RREB1: variants seen among roughly 807,000 people sequenced by gnomAD.
RREB1 encodes the protein ras responsive element binding protein 1.
RREB1 carries 27 observed loss-of-function variants against 117.8 expected under a neutral mutation model. The ratio of observed to expected loss-of-function variants is 0.23; its 90% CI spans 0.17 to 0.32. The LOEUF (loss-of-function observed/expected upper bound fraction) is 0.32. RREB1 is among the 10% of genes least tolerant of loss of function. The probability of loss-of-function intolerance (pLI) is 1.00; values close to 1 mark genes in which losing one functional copy is unlikely to be tolerated. For missense variants in RREB1, 2,577 were observed against 2,378.2 expected, an observed-to-expected ratio of 1.08 and a Z score of -1.74; for synonymous variants, 1,298 against 1,026.7, an observed-to-expected ratio of 1.26 and a Z score of -5.05.
intron 2 of RREB1, among the ~76,000 whole-genome samples, chr6:7,179,673 A>G (rs1015232633): frequency 6.6e-6 from 1 of 152,246 alleles, no homozygotes; most frequent in Non-Finnish European, 1.5e-5. Flanking sequence ...TTAGTAGTCC[A>G]TTAAGAAAAA....
intron 8 of RREB1, among the ~76,000 whole-genome samples, chr6:7,221,424 G>A (rs529377400): frequency 6.5e-4 from 99 of 151,986 alleles, no homozygotes; most frequent in African/African-American, 2.2e-3. Flanking sequence ...CACCCGCCTC[G>A]GCCTCCCAAA....
chr6:7,246,947 G>GC lies in RREB1; in HGVS notation c.4503dup (p.Glu1502ArgfsTer46), dbSNP rs1336588471. On this transcript the variant is annotated frameshift_variant, in exon 12 of 13. Transcript: ENST00000379938. LOFTEE classifies it high-confidence loss of function. The stretch of plus-strand genomic sequence containing the variant: ...AGCCCGCCCCTGAACAGGAGGAGAA[G>GC]CCCCCCGAGACCCCGGCAGAGGTGG... The GC allele has an allele frequency of 1.3e-6, 2 of 1,559,746 alleles. No individual in the cohort carries two copies. Among genetic ancestry groups the GC allele is most frequent in the Non-Finnish European group, 1.7e-6 (2 of 1,153,468 alleles).
Position 7,231,171 on chromosome 6 carries a change from C to A in RREB1, c.3072C>A (p.Val1024=). 1 of 1,611,786 alleles carries A rather than the reference C, an allele frequency of 6.2e-7. No homozygotes were observed. The highest frequency in any genetic ancestry group is 8.5e-7 in the Non-Finnish European group (1 of 1,179,334). The change falls in exon 10 of 13, where the codon GTC becomes GTA. Residue 1024 remains valine (V), a synonymous_variant. Transcript: ENST00000379938. ...TCCCAATCTACTCCTCAGCCCTGGT[C>A]AGCAGCCCTCCACTCGTGGGCAGCT... is the stretch of plus-strand genomic sequence containing the variant. ...LAVPIYSSAL[V]SSPPLVGSSA...
At chr6:7,243,410 C>G (rs556210679) in intron 11 of RREB1, among the ~76,000 whole-genome samples, 3 of 152,090 alleles carry the variant, frequency 2.0e-5, no homozygotes, top group Non-Finnish European at 2.9e-5. Context: ...CAACACAAAC[C>G]GAGGGACTGA....
chr6:7,177,541 A>G (rs1045689177), intron 2 of RREB1, among the ~76,000 whole-genome samples: 2 of 151,866 alleles, frequency 1.3e-5, no homozygotes, highest in Non-Finnish European at 2.9e-5. Flanking sequence ...GACCAGTGAT[A>G]TTTATTTTTA....
intron 1 of RREB1, among the ~76,000 whole-genome samples, chr6:7,161,594 A>G (rs529748139): frequency 2.0e-5 from 3 of 151,850 alleles, no homozygotes; most frequent in Non-Finnish European, 2.9e-5. Flanking sequence ...CTCCTTTCCT[A>G]TCTTTCTCAA....
intron 6 of RREB1, among the ~76,000 whole-genome samples, chr6:7,194,058 T>C (rs1385591532): frequency 6.6e-6 from 1 of 152,234 alleles, no homozygotes; most frequent in East Asian, 1.9e-4. Flanking sequence ...CAGTAGCATA[T>C]TCTATGTATA....
chr6:7,226,219 C>T (rs1009271704), intron 8 of RREB1, among the ~76,000 whole-genome samples: 3 of 152,152 alleles, frequency 2.0e-5, no homozygotes, highest in Admixed American at 1.3e-4. Flanking sequence ...GTGTTTAGGT[C>T]GTACGTACAC....
intron 6 of RREB1, among the ~76,000 whole-genome samples, chr6:7,198,997 G>A (rs1055097607): frequency 6.6e-6 from 1 of 152,156 alleles, no homozygotes; most frequent in Non-Finnish European, 1.5e-5. Flanking sequence ...GTTCCCCCCA[G>A]TAGCATTATT....
chr6:7,189,922 A>G (rs374287820), intron 6 of RREB1, among the ~76,000 whole-genome samples: 54 of 152,348 alleles, frequency 3.5e-4, no homozygotes, highest in African/African-American at 1.2e-3. Context: ...TATGGAAAAT[A>G]GAGTTTATAG....
chr6:7,115,958 T>G lies in RREB1; in HGVS notation c.-285+7898T>G, dbSNP rs190096777. 2.0e-5 allele frequency among the ~76,000 whole-genome samples: 3 copies of G among 152,256 alleles called. No individual in the cohort carries two copies. The East Asian group carries it at 5.8e-4, about 29-fold the overall frequency. Reference sequence around the variant, plus strand: ...GGCCCTCTGCAAAACCACACTCCAGTCTGGCCCTGGCATTGGCTGTTCTAT... The same window carrying G: ...GGCCCTCTGCAAAACCACACTCCAGGCTGGCCCTGGCATTGGCTGTTCTAT... On this transcript the variant is annotated intron_variant, in intron 1 of 12. Coordinates refer to ENST00000379938, the MANE Select transcript of RREB1 (RefSeq NM_001003699.4).
At chr6:7,225,756 G>A (rs1767546887) in intron 8 of RREB1, among the ~76,000 whole-genome samples, 1 of 152,080 alleles carries the variant, frequency 6.6e-6, no homozygotes, top group Non-Finnish European at 1.5e-5. Context: ...CTTCTTACTG[G>A]CTGTGGGGCC....
At chr6:7,247,247 G>A in intron 12 of RREB1, 26 bp downstream of exon 12, 1 of 1,593,106 alleles carries the variant, frequency 6.3e-7, no homozygotes, top group Non-Finnish European at 8.6e-7. Flanking sequence ...CAGGTCCCCG[G>A]CCCAACAAGA....
intron 6 of RREB1, among the ~76,000 whole-genome samples, chr6:7,204,247 G>A (rs1766147602): frequency 6.6e-6 from 1 of 152,106 alleles, no homozygotes; most frequent in East Asian, 1.9e-4. Context: ...AGGTGCCTCT[G>A]TACTTTACAG....
intron 1 of RREB1, among the ~76,000 whole-genome samples, chr6:7,138,998 CAT>C (rs1337063330): frequency 1.6e-4 from 25 of 152,220 alleles, no homozygotes; most frequent in African/African-American, 4.8e-4. Context: ...AAGGTTCACA[CAT>C]GTGAGAACAT....
chr6:7,126,310 C>T (rs1055969591), intron 1 of RREB1, among the ~76,000 whole-genome samples: 3 of 150,414 alleles, frequency 2.0e-5, no homozygotes, highest in Non-Finnish European at 4.4e-5. Context: ...TCGATTCCCC[C>T]CCGACCCATT....
intron 12 of RREB1, 71 bp downstream of exon 12, chr6:7,247,292 C>G (rs909671870): frequency 4.2e-6 from 6 of 1,417,022 alleles, no homozygotes; most frequent in Non-Finnish European, 5.7e-6. Flanking sequence ...AGGAGCTCCC[C>G]TGAAGCGGCG....
intron 1 of RREB1, among the ~76,000 whole-genome samples, chr6:7,158,578 T>C (rs1000671462): frequency 9.2e-5 from 14 of 152,134 alleles, no homozygotes; most frequent in African/African-American, 3.4e-4. Flanking sequence ...ACCCTTCCTC[T>C]TACACTACCC....
At chr6:7,194,143 A>G (rs1765552719) in intron 6 of RREB1, among the ~76,000 whole-genome samples, 1 of 152,182 alleles carries the variant, frequency 6.6e-6, no homozygotes, top group African/African-American at 2.4e-5. Context: ...GTTTACTTGG[A>G]TAGTCTTAGA....
Sources: allele counts gnomAD v4.1 joint callset (sites outside exome capture counted in the v4.1 genomes callset), GRCh38; gene constraint gnomAD v4.1.1; transcripts MANE v1.5; gene names NCBI Gene and HGNC (gene_info 2026-07-23, HGNC 2026-07-21).